The following RABL3 variants were observed in gnomAD, a reference collection of about 807,000 sequenced individuals.
RABL3 encodes the protein rab-like protein 3.
In RABL3, 31 loss-of-function variants were observed where a neutral mutation model predicts 31.8. That is an observed-to-expected ratio of 0.97 (90% confidence interval 0.73 to 1.31). The LOEUF is 1.31. RABL3 is among the 40% of genes most tolerant of loss of function. The pLI is 0.00. For missense variants in RABL3, 263 were observed against 279.6 expected, an observed-to-expected ratio of 0.94 and a Z score of 0.42; for synonymous variants, 97 against 99.9, an observed-to-expected ratio of 0.97 and a Z score of 0.18.
At chr3:120,710,127 C>A (rs574966539) in intron 2 of RABL3, among the ~76,000 whole-genome samples, 1 of 151,938 alleles carries the variant, frequency 6.6e-6, no homozygotes, top group Non-Finnish European at 1.5e-5. Flanking sequence ...GTTCCACTTC[C>A]GAAGCCTCAC....
chr3:120,731,143 A>G (rs1466633148), intron 1 of RABL3, among the ~76,000 whole-genome samples: 2 of 152,226 alleles, frequency 1.3e-5, no homozygotes, highest in Admixed American at 1.3e-4. Context: ...GGTCAATTTC[A>G]TATTAATGAA....
intron 6 of RABL3, among the ~76,000 whole-genome samples, chr3:120,691,539 A>AT (rs1391534586): frequency 6.6e-6 from 1 of 152,222 alleles, no homozygotes; most frequent in African/African-American, 2.4e-5. Context: ...GTAGGCTAAC[A>AT]TAAGTGTTCT....
At position 120,687,574 on chromosome 3, in the gene RABL3, AAC is replaced by A. The variant is rs1272559791; in HGVS notation, c.*2247_*2248del. The stretch of plus-strand genomic sequence containing the variant: ...TCTTTTTTGAATAACTCTAGCTAAT[AAC>A]ATTCATTTGCGCAAAAAGCCTTATT... On this transcript the variant is annotated 3_prime_UTR_variant, in exon 8 of 8. Coordinates refer to ENST00000273375, the MANE Select transcript of RABL3 (RefSeq NM_173825.5). The A allele has an allele frequency of 2.6e-5, 4 of 152,226 alleles. No homozygotes were observed. The highest frequency in any genetic ancestry group is 9.6e-5 in the African/African-American group (4 of 41,456). The allele number at this position is 152,226 out of a possible 1,614,324, so 9.4% of individuals were successfully genotyped here. A position where few individuals can be genotyped will look rare whatever the true frequency, so the allele number is the denominator to read the frequency against.
At chr3:120,705,095 T>A (rs935738706) in intron 4 of RABL3, among the ~76,000 whole-genome samples, 1 of 152,082 alleles carries the variant, frequency 6.6e-6, no homozygotes. Flanking sequence ...TTGGTATAAA[T>A]CTAATAAAAC....
At chr3:120,719,735 A>G (rs1708714371) in intron 2 of RABL3, among the ~76,000 whole-genome samples, 1 of 152,220 alleles carries the variant, frequency 6.6e-6, no homozygotes, top group African/African-American at 2.4e-5. Flanking sequence ...CCGCAGCTCA[A>G]GGAGGCCTGC....
intron 5 of RABL3, 129 bp from the exon 6 acceptor site, chr3:120,694,353 C>A (rs982639464): frequency 6.9e-6 from 4 of 577,598 alleles, no homozygotes; most frequent in South Asian, 3.1e-5. Context: ...ACAAAATATT[C>A]AAATAATTTT....
At chr3:120,741,236 G>A (rs1248614220) in intron 1 of RABL3, among the ~76,000 whole-genome samples, 3 of 152,172 alleles carry the variant, frequency 2.0e-5, no homozygotes, top group Admixed American at 2.0e-4. Context: ...ACCACTTCAA[G>A]CTACCTGATA....
intron 1 of RABL3, among the ~76,000 whole-genome samples, chr3:120,741,758 CTTTAA>C (rs1207658392): frequency 6.6e-6 from 1 of 152,186 alleles, no homozygotes; most frequent in African/African-American, 2.4e-5. Context: ...AAAACTCTTA[CTTTAA>C]TTTCTCTATT....
In RABL3 at chr3:120,730,741, C is replaced by A. The variant is rs754914088; in HGVS notation, c.93G>T (p.Val31=). ...SLVHLLCQNQ[V]LGNPSWTVGC... ...CCACAGTCCATGATGGATTTCCCAG[C>A]ACTTGATTTTGGCATAGGAGATGGA... The change falls in exon 2 of 8, where the codon GTG becomes GTT. Residue 31 remains valine (V), a synonymous_variant. Coordinates refer to ENST00000273375, the MANE Select transcript of RABL3 (RefSeq NM_173825.5). 5.6e-6 allele frequency: 9 copies of A among 1,613,922 alleles called. No homozygotes were observed. In the Middle Eastern group the frequency reaches 9.9e-4, roughly 178 times the overall value.
rs1211403227 is a variant in RABL3 at position 120,685,443 on chromosome 3, A to T, written c.*4380T>A. Among the ~76,000 whole-genome samples the T allele has an allele frequency of 6.6e-6, 1 of 152,232 alleles. No individual in the cohort carries two copies. The highest frequency in any genetic ancestry group is 2.4e-5 in the African/African-American group (1 of 41,460). Reference sequence around the variant, plus strand: ...GATTAGCCAGCTGAGAAAACACAGTACTAGAGAGGGGGCTGTGTGTAAGAT... The same window carrying T: ...GATTAGCCAGCTGAGAAAACACAGTTCTAGAGAGGGGGCTGTGTGTAAGAT... On this transcript the variant is annotated 3_prime_UTR_variant, in exon 8 of 8. Transcript: ENST00000273375.
chr3:120,709,758 T>C (rs184976425), intron 3 of RABL3, 22 bp downstream of exon 3: 22 of 1,573,988 alleles, frequency 1.4e-5, no homozygotes, highest in Middle Eastern at 1.7e-4. Flanking sequence ...TAATATAAGA[T>C]AGAAATTTAA....
chr3:120,706,022 T>A lies in RABL3; in HGVS notation c.361A>T (p.Thr121Ser). The change falls in exon 4 of 8, where the codon ACT (threonine) becomes TCT (serine). Residue 121 changes from threonine to serine, a missense_variant. Thr to Ser is a moderately conservative substitution (Grantham distance 58). Transcript: ENST00000273375. ...LEALNRDLVP[T>S]GVLVTNGDYD... The stretch of plus-strand genomic sequence containing the variant: ...CACCCATTTGTCACCAAGACTCCAG[T>A]TGGCACCAAATCCCTGTTGAGAGCT... The A allele has an allele frequency of 2.5e-6, 4 of 1,612,664 alleles. No homozygotes were observed. Among genetic ancestry groups the A allele is most frequent in the Non-Finnish European group, 3.4e-6 (4 of 1,178,686 alleles).
At chr3:120,731,541 A>C (rs1708883193) in intron 1 of RABL3, among the ~76,000 whole-genome samples, 1 of 152,132 alleles carries the variant, frequency 6.6e-6, no homozygotes, top group African/African-American at 2.4e-5. Context: ...AGAGATTTGT[A>C]TGAAGAGGAA....
chr3:120,714,221 C>G (rs768426215), intron 2 of RABL3, among the ~76,000 whole-genome samples: 41 of 152,144 alleles, frequency 2.7e-4, no homozygotes, highest in Non-Finnish European at 4.7e-4. Context: ...GTATTTGTAC[C>G]TGCAGAATCA....
In RABL3 at chr3:120,698,571, T is replaced by A; in HGVS notation, c.386A>T (p.Asp129Val). The A allele has an allele frequency of 1.9e-6, 3 of 1,607,640 alleles. No individual in the cohort carries two copies. The highest frequency in any genetic ancestry group is 2.6e-6 in the Non-Finnish European group (3 of 1,176,030). The change falls in exon 5 of 8, where the codon GAT becomes GTT. Residue 129 changes from aspartate (D) to valine (V), a missense_variant and splice_region_variant. Physicochemically the swap from Asp to Val is radical, Grantham distance 152. Coordinates refer to ENST00000273375, the MANE Select transcript of RABL3 (RefSeq NM_173825.5). Reference protein sequence around the residue: ...VPTGVLVTNGDYDQEQFADNQ... With the variant: ...VPTGVLVTNGVYDQEQFADNQ... ...ATCAGCAAACTGTTCTTGATCATAA[T>A]CCCTGTGATAAATAATAATGAAGAG...
intron 1 of RABL3, among the ~76,000 whole-genome samples, chr3:120,736,365 A>C (rs890037710): frequency 6.6e-6 from 1 of 151,540 alleles, no homozygotes; most frequent in Admixed American, 6.6e-5. Flanking sequence ...AGGATTGCAA[A>C]CCCTGCCTTT....
chr3:120,712,248 GA>G (rs1327365655), intron 2 of RABL3, among the ~76,000 whole-genome samples: 1 of 152,108 alleles, frequency 6.6e-6, no homozygotes, highest in Non-Finnish European at 1.5e-5. Context: ...AAGACAGTAT[GA>G]CAGAAAAATG....
intron 2 of RABL3, among the ~76,000 whole-genome samples, chr3:120,730,356 G>C (rs1037049530): frequency 4.6e-5 from 7 of 152,164 alleles, no homozygotes; most frequent in Admixed American, 3.9e-4. Flanking sequence ...CTGAAAGTTG[G>C]CAGTCTTAAT....
intron 2 of RABL3, among the ~76,000 whole-genome samples, chr3:120,730,488 G>A (rs1307423853): frequency 6.6e-6 from 1 of 151,752 alleles, no homozygotes; most frequent in Admixed American, 6.6e-5. Context: ...CTCTGCCTTA[G>A]TTTCTGCATC....
Sources: allele counts gnomAD v4.1 joint callset (sites outside exome capture counted in the v4.1 genomes callset), GRCh38; gene constraint gnomAD v4.1.1; transcripts MANE v1.5; gene names NCBI Gene and HGNC (gene_info 2026-07-23, HGNC 2026-07-21).